OSTN: variants seen among roughly 807,000 people sequenced by gnomAD.
The protein encoded by OSTN is osteocrin.
In OSTN, 9 loss-of-function variants were observed where a neutral mutation model predicts 12.0. That is an observed-to-expected ratio of 0.75 (90% confidence interval 0.45 to 1.30). The LOEUF is 1.30. Among genes scored for constraint, OSTN ranks in the 50% most tolerant of loss-of-function variants. The probability of loss-of-function intolerance (pLI) is 0.00; values close to 1 mark genes in which losing one functional copy is unlikely to be tolerated. For missense variants in OSTN, 148 were observed against 152.3 expected (o/e 0.97, Z 0.15); for synonymous variants, 59 against 56.9 (o/e 1.04, Z -0.16).
chr3:191,261,912 A>G (rs1162280421), intron 4 of OSTN, among the ~76,000 whole-genome samples: 3 of 152,214 alleles, frequency 2.0e-5, no homozygotes. Flanking sequence ...TGTCAACCTG[A>G]TAAAATTAGA....
chr3:191,221,333 C>T (rs1714757185), intron 3 of OSTN, among the ~76,000 whole-genome samples: 1 of 151,932 alleles, frequency 6.6e-6, no homozygotes, highest in South Asian at 2.1e-4. Context: ...AATGTGGAAG[C>T]AACTTTAGAA....
intron 3 of OSTN, among the ~76,000 whole-genome samples, chr3:191,231,574 A>G (rs890722315): frequency 6.6e-6 from 1 of 152,138 alleles, no homozygotes; most frequent in Admixed American, 6.5e-5. Flanking sequence ...GTGTTGTTAG[A>G]TCTTTCACAA....
chr3:191,229,016 A>G (rs2108539668), intron 3 of OSTN, among the ~76,000 whole-genome samples: 1 of 112,554 alleles, frequency 8.9e-6, no homozygotes, highest in East Asian at 2.5e-4. Flanking sequence ...AGTATTGCCA[A>G]AAACAGTCTT....
chr3:191,217,376 A>G (rs1714641518), intron 2 of OSTN, among the ~76,000 whole-genome samples: 1 of 152,218 alleles, frequency 6.6e-6, no homozygotes, highest in Non-Finnish European at 1.5e-5. Flanking sequence ...CAATAGAAGG[A>G]ATAATCTTAG....
chr3:191,248,684 T>C (rs1188393147), intron 3 of OSTN, among the ~76,000 whole-genome samples: 12 of 152,166 alleles, frequency 7.9e-5, no homozygotes. Context: ...TGGTGGCTCA[T>C]ACCTTTAATC....
intron 4 of OSTN, among the ~76,000 whole-genome samples, chr3:191,256,793 C>T (rs1715680495): frequency 1.3e-5 from 2 of 152,020 alleles, no homozygotes; most frequent in African/African-American, 4.8e-5. Flanking sequence ...CAAATCCATA[C>T]AATTTCAGTT....
At position 191,263,205 on chromosome 3, in the gene OSTN, CAA is replaced by C. The variant is rs1472922274; in HGVS notation, c.*355_*356del. On this transcript the variant is annotated 3_prime_UTR_variant, in exon 5 of 5. Transcript: ENST00000682035. ...CATGTTTGTAGTCAAAGAATAATAA[CAA>C]AAGACAGATTTGCTTCTGTAAAATT... 3 of 226,282 alleles carry C rather than the reference CAA, an allele frequency of 1.3e-5. No homozygotes were observed. The highest frequency in any genetic ancestry group is 2.6e-5 in the Non-Finnish European group (3 of 117,054). The allele number at this position is 226,282 out of a possible 1,614,324, so 14.0% of individuals were successfully genotyped here. A position where few individuals can be genotyped will look rare whatever the true frequency, so the allele number is the denominator to read the frequency against.
chr3:191,219,692 A>C (rs1165572659), intron 3 of OSTN, among the ~76,000 whole-genome samples: 3 of 152,170 alleles, frequency 2.0e-5, no homozygotes, highest in Non-Finnish European at 4.4e-5. Context: ...TCATATTAGA[A>C]GTGGCACAAA....
chr3:191,244,892 G>A (rs1175549646), intron 3 of OSTN, among the ~76,000 whole-genome samples: 1 of 151,882 alleles, frequency 6.6e-6, no homozygotes. Flanking sequence ...ATGAATCAAA[G>A]TAATTATGAA....
chr3:191,249,346 G>A (rs957408446), intron 3 of OSTN, among the ~76,000 whole-genome samples: 5 of 152,114 alleles, frequency 3.3e-5, no homozygotes, highest in African/African-American at 1.2e-4. Context: ...TTTCTAAAAT[G>A]CATCTTATTT....
rs374771300 is a variant in OSTN at position 191,222,029 on chromosome 3, C to T, written c.317+3068C>T. On this transcript the variant is annotated intron_variant, in intron 3 of 4. Coordinates refer to ENST00000682035, the MANE Select transcript of OSTN (RefSeq NM_198184.2). ...CCCAAGCCTTGGCGGCTTCCACATG[C>T]TGTTTTACCTATGGGTGCACAGAAG... Among the ~76,000 whole-genome samples, 10 of 152,074 alleles carry T rather than the reference C, an allele frequency of 6.6e-5. 1 individual carries two copies. The highest frequency in any genetic ancestry group is 2.4e-4 in the African/African-American group (10 of 41,450).
chr3:191,247,757 G>A (rs11923024), intron 3 of OSTN, among the ~76,000 whole-genome samples: 14,020 of 152,136 alleles, frequency 0.092, 1,716 homozygotes, highest in African/African-American at 0.28. Flanking sequence ...ATTTTAATTA[G>A]AACTTATCAA....
intron 1 of OSTN, among the ~76,000 whole-genome samples, chr3:191,203,731 A>T (rs1714205043): frequency 6.6e-6 from 1 of 152,204 alleles, no homozygotes. Context: ...CACTTACACA[A>T]ATAGGTTATA....
chr3:191,256,217 A>G (rs1182389107), intron 4 of OSTN, among the ~76,000 whole-genome samples: 1 of 152,152 alleles, frequency 6.6e-6, no homozygotes, highest in Non-Finnish European at 1.5e-5. Flanking sequence ...GGAACCTCAT[A>G]CAATTTTAGA....
chr3:191,256,459 T>C (rs1198272591), intron 4 of OSTN, among the ~76,000 whole-genome samples: 5 of 152,118 alleles, frequency 3.3e-5, no homozygotes, highest in Non-Finnish European at 5.9e-5. Context: ...ATCCTTGATA[T>C]CACAAAATAA....
chr3:191,259,961 T>C (rs1715768550), intron 4 of OSTN, among the ~76,000 whole-genome samples: 1 of 149,876 alleles, frequency 6.7e-6, no homozygotes, highest in Non-Finnish European at 1.5e-5. Flanking sequence ...TTCAAGTGAT[T>C]CTCCTGCCTC....
chr3:191,219,062 T>C, intron 3 of OSTN, 101 bp downstream of exon 3: 1 of 1,047,252 alleles, frequency 9.5e-7, no homozygotes, highest in Non-Finnish European at 1.4e-6. Flanking sequence ...GAAAACCTTG[T>C]ATATATAAAC....
chr3:191,203,217 C>T (rs556921587), intron 1 of OSTN, among the ~76,000 whole-genome samples: 1 of 152,308 alleles, frequency 6.6e-6, no homozygotes, highest in Admixed American at 6.5e-5. Context: ...CATAAGGCTG[C>T]TCCATGCATT....
chr3:191,263,099 C>T lies in OSTN; in HGVS notation c.*246C>T. On this transcript the variant is annotated 3_prime_UTR_variant, in exon 5 of 5. Coordinates refer to ENST00000682035, the MANE Select transcript of OSTN (RefSeq NM_198184.2). ...ATTTTAATTATTCAAGAATGGTTAA[C>T]TTCCCCTTAAACCTTACTTTTAAAA... The T allele has an allele frequency of 2.1e-6, 1 of 471,132 alleles. No individual in the cohort carries two copies. The highest frequency in any genetic ancestry group is 3.8e-6 in the Non-Finnish European group (1 of 265,858). The allele number at this position is 471,132 out of a possible 1,614,324, so 29.2% of individuals were successfully genotyped here.
Sources: allele counts gnomAD v4.1 joint callset (sites outside exome capture counted in the v4.1 genomes callset), GRCh38; gene constraint gnomAD v4.1.1; transcripts MANE v1.5; gene names NCBI Gene and HGNC (gene_info 2026-07-23, HGNC 2026-07-21).